SRGAP3: variants seen among roughly 807,000 people sequenced by gnomAD.
SRGAP3 encodes SLIT-ROBO Rho GTPase activating protein 3, also known as SLIT-ROBO Rho GTPase-activating protein 3.
Under a neutral mutation model 121.1 loss-of-function variants are expected in SRGAP3, and 39 were observed. The ratio of observed to expected loss-of-function variants is 0.32; its 90% CI spans 0.25 to 0.42. The LOEUF is 0.42. SRGAP3 is among the 10% of genes least tolerant of loss of function. The pLI, the probability that SRGAP3 is intolerant of heterozygous loss-of-function variation, is 1.00. For missense variants in SRGAP3, 1,213 were observed against 1,470.6 expected (o/e 0.82, Z 2.86); for synonymous variants, 601 against 570.0 (o/e 1.05, Z -0.77).
chr3:9,150,746 GA>G lies in SRGAP3; in HGVS notation c.68-25830del, dbSNP rs201326708. Reference sequence around the variant, plus strand: ...AAAAGTATGCTCCGCCTCTATGAAGGAAAAAAAAAGGGAAAAAGAACATCTC... The same window carrying G: ...AAAAGTATGCTCCGCCTCTATGAAGGAAAAAAAAGGGAAAAAGAACATCTC... On this transcript the variant is annotated intron_variant, in intron 1 of 21. Transcript: ENST00000383836. 4.6e-5 allele frequency among the ~76,000 whole-genome samples: 7 copies of G among 150,774 alleles called. No individual in the cohort carries two copies. In the South Asian group the frequency reaches 1.0e-3, roughly 23 times the overall value.
intron 12 of SRGAP3, among the ~76,000 whole-genome samples, chr3:9,031,450 T>C (rs1277113615): frequency 6.6e-6 from 1 of 152,174 alleles, no homozygotes; most frequent in Non-Finnish European, 1.5e-5. Flanking sequence ...CTCTACGCTT[T>C]GGTCTTCTTA....
intron 1 of SRGAP3, among the ~76,000 whole-genome samples, chr3:9,157,497 T>G (rs1030707388): frequency 6.6e-6 from 1 of 152,170 alleles, no homozygotes; most frequent in Non-Finnish European, 1.5e-5. Flanking sequence ...ATTTGTTGAG[T>G]GTTCACTATA....
intron 3 of SRGAP3, among the ~76,000 whole-genome samples, chr3:9,082,581 A>C (rs945077286): frequency 5.3e-5 from 8 of 152,228 alleles, no homozygotes; most frequent in African/African-American, 1.9e-4. Context: ...GGACCAAGAC[A>C]TTCTCCCTGT....
In SRGAP3 at chr3:8,983,020, C is replaced by T. The variant is rs529710919; in HGVS notation, c.*2499G>A. On this transcript the variant is annotated 3_prime_UTR_variant, in exon 22 of 22. Coordinates refer to ENST00000383836, the MANE Select transcript of SRGAP3 (RefSeq NM_014850.4). ...ACAGATTTTTCTACTCTGATTGTTG[C>T]TTTTCATCTGGCAGTTGTGGCAGAT... is the stretch of plus-strand genomic sequence containing the variant. 3 of 228,398 alleles carry T rather than the reference C, an allele frequency of 1.3e-5. No individual in the cohort carries two copies. Among genetic ancestry groups the T allele is most frequent in the African/African-American group, 4.4e-5 (2 of 45,120 alleles). 14.1% of individuals were successfully genotyped at this position (228,398 alleles called of 1,614,324 possible). A position where few individuals can be genotyped will look rare whatever the true frequency, so the allele number is the denominator to read the frequency against.
At chr3:9,136,504 C>T (rs1171086067) in intron 1 of SRGAP3, among the ~76,000 whole-genome samples, 2 of 151,916 alleles carry the variant, frequency 1.3e-5, no homozygotes, top group Admixed American at 6.6e-5. Context: ...TTCGCAGACG[C>T]GAGCAAGCTC....
chr3:9,346,058 A>C (rs1427428731), intron 1 of SRGAP3, among the ~76,000 whole-genome samples: 1 of 152,184 alleles, frequency 6.6e-6, no homozygotes, highest in Non-Finnish European at 1.5e-5. Flanking sequence ...TTAAAATTTT[A>C]TATTCACAAA....
chr3:9,214,979 T>C (rs2125186211), intron 1 of SRGAP3, among the ~76,000 whole-genome samples: 1 of 140,102 alleles, frequency 7.1e-6, no homozygotes, highest in African/African-American at 2.4e-5. Context: ...GAGTCCAGTA[T>C]TCCTGGGAGG....
intron 20 of SRGAP3, chr3:8,992,552 A>G (rs1229970592): frequency 4.8e-6 from 2 of 414,290 alleles, no homozygotes; most frequent in Non-Finnish European, 8.9e-6. Flanking sequence ...TTTAAATATA[A>G]CAACTCAGTT....
intron 18 of SRGAP3, chr3:9,007,892 G>A (rs1177365283): frequency 6.6e-6 from 1 of 152,064 alleles, no homozygotes; most frequent in Non-Finnish European, 1.5e-5. Context: ...GTTTGGCCAG[G>A]GATGGCAAGA....
intron 5 of SRGAP3, 56 bp from the exon 6 acceptor site, chr3:9,060,415 T>C (rs1294372182): frequency 6.3e-7 from 1 of 1,587,074 alleles, no homozygotes; most frequent in Non-Finnish European, 8.5e-7. Context: ...ACGGGGTTTG[T>C]GATTTTCTAT....
At chr3:9,030,292 G>A (rs1475417393) in intron 12 of SRGAP3, among the ~76,000 whole-genome samples, 2 of 152,170 alleles carry the variant, frequency 1.3e-5, no homozygotes, top group Non-Finnish European at 2.9e-5. Flanking sequence ...CAACAGCGCT[G>A]CCACTGCTCA....
intron 18 of SRGAP3, among the ~76,000 whole-genome samples, chr3:8,999,467 T>C (rs568007954): frequency 6.6e-6 from 1 of 152,306 alleles, no homozygotes; most frequent in Admixed American, 6.5e-5. Flanking sequence ...AACTCTGTTA[T>C]AGGTCATGAG....
intron 2 of SRGAP3, among the ~76,000 whole-genome samples, chr3:9,115,316 C>A (rs1383009535): frequency 6.6e-6 from 1 of 152,044 alleles, no homozygotes; most frequent in East Asian, 1.9e-4. Context: ...ATCCTATTTG[C>A]CTAATAGAAT....
intron 3 of SRGAP3, among the ~76,000 whole-genome samples, chr3:9,323,530 T>C (rs7623629): frequency 0.017 from 2,642 of 151,832 alleles, 88 homozygotes; most frequent in African/African-American, 0.059. Context: ...CTCGAAGGCC[T>C]AGAGTTTTCT....
chr3:9,157,521 C>G (rs989254307), intron 1 of SRGAP3, among the ~76,000 whole-genome samples: 1 of 152,212 alleles, frequency 6.6e-6, no homozygotes, highest in African/African-American at 2.4e-5. Flanking sequence ...TAGGTACTGT[C>G]TAAGCACTTT....
intron 1 of SRGAP3, among the ~76,000 whole-genome samples, chr3:9,136,507 G>A (rs895684178): frequency 2.0e-5 from 3 of 151,962 alleles, no homozygotes; most frequent in Non-Finnish European, 4.4e-5. Context: ...GCAGACGCGA[G>A]CAAGCTCCTG....
intron 21 of SRGAP3, among the ~76,000 whole-genome samples, chr3:8,987,246 C>T (rs750094031): frequency 6.6e-6 from 1 of 152,190 alleles, no homozygotes; most frequent in Non-Finnish European, 1.5e-5. Context: ...GGGATGCCTC[C>T]GCATCCGACA....
At chr3:9,102,712 G>A (rs1441578767) in intron 3 of SRGAP3, among the ~76,000 whole-genome samples, 1 of 152,258 alleles carries the variant, frequency 6.6e-6, no homozygotes, top group Non-Finnish European at 1.5e-5. Flanking sequence ...TAACAAGGCA[G>A]CCAGGAGCTC....
intron 1 of SRGAP3, among the ~76,000 whole-genome samples, chr3:9,346,554 G>A (rs74487856): frequency 1.3e-5 from 2 of 152,120 alleles, no homozygotes; most frequent in East Asian, 3.9e-4. Context: ...ATATCTTGGG[G>A]TCTTTTGACC....
Sources: gnomAD v4.1 joint callset for allele counts (sites outside exome capture counted in the v4.1 genomes callset) on GRCh38, gnomAD v4.1.1 for gene constraint, MANE v1.5 for transcripts, NCBI Gene and HGNC (gene_info 2026-07-23, HGNC 2026-07-21) for gene names.